Variants in RNF149 observed in about 807,000 individuals in gnomAD.
The protein encoded by RNF149 is E3 ubiquitin-protein ligase RNF149.
In RNF149, 21 loss-of-function variants were observed where a neutral mutation model predicts 39.0. The observed-to-expected ratio is 0.54, with a 90% confidence interval of 0.38 to 0.77. The LOEUF is 0.77. RNF149 is among the 30% of genes least tolerant of loss of function. The pLI is 0.00. For synonymous variants in RNF149, 209 were observed against 213.6 expected, an observed-to-expected ratio of 0.98 and a Z score of 0.19; for missense variants, 493 against 534.9, an observed-to-expected ratio of 0.92 and a Z score of 0.77.
chr2:101,277,727 T>C (rs962551799), intron 6 of RNF149, among the ~76,000 whole-genome samples: 1 of 152,168 alleles, frequency 6.6e-6, no homozygotes, highest in African/African-American at 2.4e-5. Flanking sequence ...GGAAAACTGA[T>C]AACCCATTCC....
intron 1 of RNF149, among the ~76,000 whole-genome samples, chr2:101,298,116 T>C (rs897540207): frequency 1.3e-5 from 2 of 152,190 alleles, no homozygotes; most frequent in African/African-American, 4.8e-5. Flanking sequence ...TGCACAGATG[T>C]AACCAATGAG....
At chr2:101,295,647 C>A (rs906963572) in intron 1 of RNF149, among the ~76,000 whole-genome samples, 4 of 144,318 alleles carry the variant, frequency 2.8e-5, no homozygotes, top group South Asian at 2.2e-4. Flanking sequence ...GGCGACAGTG[C>A]GAGACCCCAT....
At chr2:101,305,688 T>C (rs1683626998) in intron 1 of RNF149, among the ~76,000 whole-genome samples, 1 of 151,770 alleles carries the variant, frequency 6.6e-6, no homozygotes, top group South Asian at 2.1e-4. Context: ...CACAGACACA[T>C]ACATGGGGTG....
downstream of RNF149, chr2:101,271,829 G>A (rs1437023429): frequency 6.6e-6 from 1 of 152,152 alleles, no homozygotes; most frequent in Non-Finnish European, 1.5e-5. Flanking sequence ...AGCCTAAAAT[G>A]TAACTATTAG....
At position 101,276,925 on chromosome 2, in the gene RNF149, T is replaced by C. The variant is rs979086782; in HGVS notation, c.*313A>G. On this transcript the variant is annotated 3_prime_UTR_variant, in exon 7 of 7. Coordinates refer to ENST00000295317, the MANE Select transcript of RNF149 (RefSeq NM_173647.4). ...GAATTAACTGGTTTTTACAGAACCA[T>C]AGCAGCCAATTATTTAGAAACACCA... The C allele has an allele frequency of 2.0e-5, 22 of 1,078,740 alleles. No homozygotes were observed. In the African/African-American group the frequency reaches 3.5e-4, roughly 17 times the overall value. The allele number at this position is 1,078,740 out of a possible 1,614,324, so 66.8% of individuals were successfully genotyped here.
At chr2:101,279,877 T>C (rs1329525693) in intron 6 of RNF149, among the ~76,000 whole-genome samples, 1 of 152,194 alleles carries the variant, frequency 6.6e-6, no homozygotes, top group Non-Finnish European at 1.5e-5. Flanking sequence ...GATGACAAAA[T>C]TCAAAACCTG....
intron 6 of RNF149, among the ~76,000 whole-genome samples, chr2:101,280,514 T>C (rs188862858): frequency 6.6e-6 from 1 of 152,234 alleles, no homozygotes; most frequent in Admixed American, 6.5e-5. Context: ...TCAATATCTT[T>C]ACAATCCTAA....
intron 4 of RNF149, 95 bp from the exon 5 acceptor site, chr2:101,286,272 C>T: frequency 1.5e-6 from 1 of 676,648 alleles, no homozygotes; most frequent in Non-Finnish European, 2.6e-6. Context: ...CCTCTCATTA[C>T]AAGTTAGCTG....
downstream of RNF149, among the ~76,000 whole-genome samples, chr2:101,272,138 C>T (rs1319714110): frequency 2.0e-5 from 3 of 152,168 alleles, no homozygotes; most frequent in African/African-American, 7.2e-5. Flanking sequence ...CCTTTTTATG[C>T]AATCACTACT....
At position 101,306,755 on chromosome 2, in the gene RNF149, C is replaced by T. The variant is rs1320719398; in HGVS notation, c.460+1374G>A. 3.9e-5 allele frequency among the ~76,000 whole-genome samples: 6 copies of T among 152,336 alleles called. No homozygotes were observed. In the East Asian group the frequency reaches 1.2e-3, roughly 29 times the overall value. ...GAAAGAGTTGTCCTAACAGTCCTTA[C>T]TTCTTCTCAACAGTCTCTCAACTGA... On this transcript the variant is annotated intron_variant, in intron 1 of 6. Coordinates refer to ENST00000295317, the MANE Select transcript of RNF149 (RefSeq NM_173647.4).
Position 101,308,693 on chromosome 2 carries a change from G to GGCGGGGTCGGGGCCGCT in RNF149, c.-106_-105insAGCGGCCCCGACCCCGC. The GGCGGGGTCGGGGCCGCT allele has an allele frequency of 4.6e-6, 5 of 1,096,466 alleles. No homozygotes were observed. In the Middle Eastern group the frequency reaches 1.5e-3, roughly 340 times the overall value. The allele number at this position is 1,096,466 out of a possible 1,614,324, so 67.9% of individuals were successfully genotyped here. ...ACCCACCGCCGCCCTGGAAGACTGA[G>GGCGGGGTCGGGGCCGCT]GCGGGGTCGGGGCCGCTGCGCACGC... On this transcript the variant is annotated 5_prime_UTR_variant, in exon 1 of 7. Transcript: ENST00000295317.
rs566258439 is a variant in RNF149, at chr2:101,276,906, A to G, written c.*332T>C. 30 of 1,035,024 alleles carry G rather than the reference A, an allele frequency of 2.9e-5. No homozygotes were observed. In the African/African-American group the frequency reaches 3.8e-4, roughly 13 times the overall value. 64.1% of individuals were successfully genotyped at this position (1,035,024 alleles called of 1,614,324 possible). A position where few individuals can be genotyped will look rare whatever the true frequency, so the allele number is the denominator to read the frequency against. On this transcript the variant is annotated 3_prime_UTR_variant, in exon 7 of 7. Transcript: ENST00000295317. ...CCAAAAACCTTGAAAAATAGAATTA[A>G]CTGGTTTTTACAGAACCATAGCAGC...
At chr2:101,272,158 A>G (rs1047985679), downstream of RNF149, among the ~76,000 whole-genome samples, 2 of 152,190 alleles carry the variant, frequency 1.3e-5, no homozygotes, top group African/African-American at 4.8e-5. Context: ...TGTTCTTATC[A>G]GGAAAATCCC....
chr2:101,302,933 T>G (rs1222285802), intron 1 of RNF149, among the ~76,000 whole-genome samples: 1 of 151,234 alleles, frequency 6.6e-6, no homozygotes, highest in Non-Finnish European at 1.5e-5. Context: ...CGAGCTATGA[T>G]GGTGCCATTG....
At chr2:101,301,896 T>A (rs1229776109) in intron 1 of RNF149, among the ~76,000 whole-genome samples, 1 of 152,218 alleles carries the variant, frequency 6.6e-6, no homozygotes, top group Non-Finnish European at 1.5e-5. Flanking sequence ...GTTACTGAAA[T>A]ATTTAAAGTA....
intron 5 of RNF149, among the ~76,000 whole-genome samples, chr2:101,283,245 G>C (rs1682659665): frequency 6.6e-6 from 1 of 152,176 alleles, no homozygotes; most frequent in Admixed American, 6.5e-5. Flanking sequence ...GCCATGTCAT[G>C]TCTGTATGCG....
intron 5 of RNF149, among the ~76,000 whole-genome samples, chr2:101,284,781 T>C (rs1305246591): frequency 6.6e-6 from 1 of 150,828 alleles, no homozygotes; most frequent in Non-Finnish European, 1.5e-5. Flanking sequence ...GTGATCATCA[T>C]TTAAAAAACC....
Position 101,276,193 on chromosome 2 carries a change from T to A in RNF149, c.*1045A>T. 1.0e-6 allele frequency: 1 copy of A among 984,078 alleles called. No individual in the cohort carries two copies. The highest frequency in any genetic ancestry group is 1.7e-5 in the African/African-American group (1 of 57,346). The allele number at this position is 984,078 out of a possible 1,614,324, so 61.0% of individuals were successfully genotyped here. ...CACACTCTAAAAAATAACTGCCTCA[T>A]ACTCGACTTCTACCTCCAAGAAGTG... On this transcript the variant is annotated 3_prime_UTR_variant, in exon 7 of 7. Transcript: ENST00000295317.
At chr2:101,302,008 A>G (rs900369605) in intron 1 of RNF149, among the ~76,000 whole-genome samples, 2 of 150,902 alleles carry the variant, frequency 1.3e-5, no homozygotes, top group Non-Finnish European at 3.0e-5. Flanking sequence ...TCTTTTCCCC[A>G]CTAACTAACT....
Sources: allele counts gnomAD v4.1 joint callset (sites outside exome capture counted in the v4.1 genomes callset), GRCh38; gene constraint gnomAD v4.1.1; transcripts MANE v1.5; gene names NCBI Gene and HGNC (gene_info 2026-07-23, HGNC 2026-07-21).